WWOX: variants seen among roughly 807,000 people sequenced by gnomAD.
WWOX encodes WW domain-containing oxidoreductase.
WWOX carries 69 observed loss-of-function variants against 46.2 expected under a neutral mutation model. The observed-to-expected ratio is 1.49, with a 90% confidence interval of 1.23 to 1.82. WWOX has a LOEUF of 1.82. Ranked by LOEUF, WWOX falls within the 40% of genes most tolerant of loss-of-function variation. The pLI is 0.00. For synonymous variants in WWOX, 359 were observed against 202.6 expected, an observed-to-expected ratio of 1.77 and a Z score of -6.56; for missense variants, 919 against 542.6, an observed-to-expected ratio of 1.69 and a Z score of -6.89.
intron 8 of WWOX, among the ~76,000 whole-genome samples, chr16:78,989,946 G>A (rs868328875): frequency 4.6e-5 from 7 of 151,690 alleles, no homozygotes; most frequent in Non-Finnish European, 7.4e-5. Flanking sequence ...ACTTTGGGAG[G>A]CCGGGGCGAG....
chr16:78,498,948 G>T (rs940253917), intron 8 of WWOX, among the ~76,000 whole-genome samples: 1 of 152,158 alleles, frequency 6.6e-6, no homozygotes. Flanking sequence ...AATAATGATT[G>T]TTAAGATGGA....
intron 8 of WWOX, among the ~76,000 whole-genome samples, chr16:79,145,115 G>T (rs527278152): frequency 2.4e-4 from 37 of 152,112 alleles, no homozygotes; most frequent in African/African-American, 8.7e-4. Context: ...TGTTGAAAGG[G>T]TATTAATCCA....
chr16:78,655,051 C>T (rs1249125000), intron 8 of WWOX, among the ~76,000 whole-genome samples: 1 of 152,058 alleles, frequency 6.6e-6, no homozygotes, highest in Non-Finnish European at 1.5e-5. Flanking sequence ...TGTGCCTTTC[C>T]CCAAGTCTTC....
chr16:78,625,521 T>C (rs2046291474), intron 8 of WWOX, among the ~76,000 whole-genome samples: 1 of 152,138 alleles, frequency 6.6e-6, no homozygotes, highest in South Asian at 2.1e-4. Flanking sequence ...AAGACTGTAG[T>C]ACCAAGTTCC....
At chr16:78,993,978 G>T (rs776477086) in intron 8 of WWOX, among the ~76,000 whole-genome samples, 2 of 152,190 alleles carry the variant, frequency 1.3e-5, no homozygotes, top group Non-Finnish European at 2.9e-5. Context: ...CAACAGCTCA[G>T]CCCTGTCCTA....
At chr16:78,399,380 G>A (rs3934167) in intron 6 of WWOX, among the ~76,000 whole-genome samples, 1 of 152,168 alleles carries the variant, frequency 6.6e-6, no homozygotes, top group Non-Finnish European at 1.5e-5. Flanking sequence ...TACAACAATA[G>A]TTATTTTAGG....
chr16:79,054,556 T>G (rs1376646117), intron 8 of WWOX, among the ~76,000 whole-genome samples: 1 of 152,184 alleles, frequency 6.6e-6, no homozygotes, highest in Non-Finnish European at 1.5e-5. Context: ...GTACAGTGGC[T>G]CACACCTGTA....
chr16:78,960,893 A>G (rs1489253757), intron 8 of WWOX, among the ~76,000 whole-genome samples: 1 of 152,218 alleles, frequency 6.6e-6, no homozygotes, highest in African/African-American at 2.4e-5. Flanking sequence ...ACTTGATGTC[A>G]AAAGTAAAGA....
intron 7 of WWOX, among the ~76,000 whole-genome samples, chr16:78,429,789 G>A (rs115008865): frequency 6.6e-6 from 1 of 152,194 alleles, no homozygotes; most frequent in South Asian, 2.1e-4. Flanking sequence ...CGATATGATA[G>A]CTTTACTGTA....
At chr16:79,142,321 A>G (rs113406971) in intron 8 of WWOX, among the ~76,000 whole-genome samples, 11 of 152,302 alleles carry the variant, frequency 7.2e-5, no homozygotes, top group African/African-American at 2.4e-4. Context: ...TAGAGTAGAA[A>G]TGGCTCAATT....
At chr16:78,503,496 T>C (rs2085119219) in intron 8 of WWOX, among the ~76,000 whole-genome samples, 1 of 152,144 alleles carries the variant, frequency 6.6e-6, no homozygotes, top group Admixed American at 6.5e-5. Flanking sequence ...ATAAACTAAA[T>C]GCATCTTTAA....
intron 8 of WWOX, among the ~76,000 whole-genome samples, chr16:78,701,501 A>T (rs908384473): frequency 6.6e-6 from 1 of 150,746 alleles, no homozygotes; most frequent in African/African-American, 2.4e-5. Flanking sequence ...ACCTCTCTCT[A>T]CCTCTATCTC....
At position 78,183,313 on chromosome 16, in the gene WWOX, C is replaced by G. The variant is rs542330432; in HGVS notation, c.516+19024C>G. ...AGCAAGGCCTGTATTATGGCCCAAG[C>G]TCAAGAATATTCGGGCAAGAGCAGA... On this transcript the variant is annotated intron_variant, in intron 5 of 8. Transcript: ENST00000566780. Among the ~76,000 whole-genome samples the G allele has an allele frequency of 5.3e-5, 8 of 152,288 alleles. No homozygotes were observed. In the South Asian group the frequency reaches 1.5e-3, roughly 28 times the overall value.
intron 8 of WWOX, among the ~76,000 whole-genome samples, chr16:78,905,388 A>G (rs1273641635): frequency 6.6e-6 from 1 of 152,080 alleles, no homozygotes; most frequent in Admixed American, 6.5e-5. Flanking sequence ...ATTCTTATTT[A>G]TTTATTTTTT....
rs143816548 is a variant in WWOX at position 78,962,746 on chromosome 16, C to G, written c.1057-248862C>G. On this transcript the variant is annotated intron_variant, in intron 8 of 8. Coordinates refer to ENST00000566780, the MANE Select transcript of WWOX (RefSeq NM_016373.4). Reference sequence around the variant, plus strand: ...ACAACTGTGTAAACACCACTCAGATCAAGACAGAGAACATTTCTAACACCT... The same window carrying G: ...ACAACTGTGTAAACACCACTCAGATGAAGACAGAGAACATTTCTAACACCT... Among the ~76,000 whole-genome samples the G allele has an allele frequency of 5.2e-4, 79 of 152,264 alleles. 1 individual carries two copies. Among genetic ancestry groups the G allele is most frequent in the East Asian group, 1.7e-3 (9 of 5,176 alleles).
chr16:78,476,431 G>T (rs2084349852), intron 8 of WWOX, among the ~76,000 whole-genome samples: 1 of 152,054 alleles, frequency 6.6e-6, no homozygotes, highest in Non-Finnish European at 1.5e-5. Context: ...ACAGGAAGGG[G>T]AACATCACAC....
At chr16:79,093,566 A>C (rs934596462) in intron 8 of WWOX, among the ~76,000 whole-genome samples, 1 of 152,164 alleles carries the variant, frequency 6.6e-6, no homozygotes, top group African/African-American at 2.4e-5. Flanking sequence ...CGCAGCAGGC[A>C]GTGGGCCCAC....
At chr16:78,902,457 G>C (rs987981303) in intron 8 of WWOX, among the ~76,000 whole-genome samples, 1 of 152,254 alleles carries the variant, frequency 6.6e-6, no homozygotes, top group Non-Finnish European at 1.5e-5. Context: ...GCAAGGCTAA[G>C]AGGTGGATGA....
chr16:78,966,225 G>C (rs577095433), intron 8 of WWOX, among the ~76,000 whole-genome samples: 2 of 152,102 alleles, frequency 1.3e-5, no homozygotes, highest in African/African-American at 4.8e-5. Flanking sequence ...TTTTCTAAAG[G>C]CACTGGTTTA....
Sources: gnomAD v4.1 joint callset for allele counts (sites outside exome capture counted in the v4.1 genomes callset) on GRCh38, gnomAD v4.1.1 for gene constraint, MANE v1.5 for transcripts, NCBI Gene and HGNC (gene_info 2026-07-23, HGNC 2026-07-21) for gene names.